The following PPP2R5C variants were observed in gnomAD, a reference collection of about 807,000 sequenced individuals.
PPP2R5C encodes the protein protein phosphatase 2 regulatory subunit B'gamma, also known as serine/threonine-protein phosphatase 2A 56 kDa regulatory subunit gamma isoform.
A neutral mutation model predicts 68.9 loss-of-function variants in PPP2R5C; 7 were observed. The ratio of observed to expected loss-of-function variants is 0.10; its 90% confidence interval spans 0.06 to 0.19. The LOEUF (loss-of-function observed/expected upper bound fraction) is 0.19. Ranked by LOEUF, PPP2R5C falls within the 10% of genes least tolerant of loss-of-function variation. The pLI, the probability that PPP2R5C is intolerant of heterozygous loss-of-function variation, is 1.00. For synonymous variants in PPP2R5C, 210 were observed against 222.2 expected (o/e 0.95, Z 0.49); for missense variants, 348 against 641.3 (o/e 0.54, Z 4.94).
Position 101,882,865 on chromosome 14 carries a change from C to T in PPP2R5C, c.406-392C>T, listed in dbSNP as rs1346869751. On this transcript the variant is annotated intron_variant, in intron 3 of 13. Coordinates refer to ENST00000334743, the Ensembl canonical transcript of PPP2R5C. The surrounding 1 kb of genome is among the most constrained non-coding windows in gnomAD (Gnocchi z 4.9). ...CCTCTTACCTGGCAGCCCCAGAGTT[C>T]CTGTGTATTTGGTTGGCTCTGCGCC... The T allele has an allele frequency of 5.7e-6, 1 of 174,802 alleles. No individual in the cohort carries two copies. Among genetic ancestry groups the T allele is most frequent in the Non-Finnish European group, 1.2e-5 (1 of 83,434 alleles). 10.8% of individuals were successfully genotyped at this position (174,802 alleles called of 1,614,324 possible).
intron 2 of PPP2R5C, among the ~76,000 whole-genome samples, chr14:101,769,724 AGT>A (rs1310824130): frequency 6.6e-6 from 1 of 152,188 alleles, no homozygotes; most frequent in African/African-American, 2.4e-5. Flanking sequence ...AGTGGAAAAA[AGT>A]GTAGTCTCAT....
intron 1 of PPP2R5C, among the ~76,000 whole-genome samples, chr14:101,846,584 A>G (rs2041843325): frequency 6.6e-6 from 1 of 152,190 alleles, no homozygotes; most frequent in Admixed American, 6.5e-5. Context: ...CATTTTGTAG[A>G]TATATAGAAG....
intron 1 of PPP2R5C, among the ~76,000 whole-genome samples, chr14:101,854,607 G>A (rs1473853008): frequency 6.6e-6 from 1 of 152,122 alleles, no homozygotes; most frequent in African/African-American, 2.4e-5. Context: ...CGGCACCAGA[G>A]GAAGCAGAGG....
chr14:101,792,748 GT>G (rs1001368961), intron 3 of PPP2R5C, among the ~76,000 whole-genome samples: 2 of 151,520 alleles, frequency 1.3e-5, no homozygotes, highest in Non-Finnish European at 2.9e-5. Flanking sequence ...TAGCTCGTGT[GT>G]TTTTTTGTTT....
intron 1 of PPP2R5C, among the ~76,000 whole-genome samples, chr14:101,828,153 C>G (rs983241714): frequency 6.6e-6 from 1 of 152,088 alleles, no homozygotes; most frequent in Non-Finnish European, 1.5e-5. Flanking sequence ...CCTCAAAGCC[C>G]ATTTTTTTAT....
chr14:101,840,592 A>C (rs2041407092), intron 1 of PPP2R5C, among the ~76,000 whole-genome samples: 1 of 151,980 alleles, frequency 6.6e-6, no homozygotes. Flanking sequence ...CAGATTGATA[A>C]TACTAAGATG....
intron 2 of PPP2R5C, 81 bp from the exon 3 acceptor site, chr14:101,785,937 T>C (rs1269440352): frequency 9.3e-6 from 12 of 1,283,834 alleles, no homozygotes; most frequent in Non-Finnish European, 1.2e-5. Context: ...AAGACTCATG[T>C]ATATGTTTTT....
intron 1 of PPP2R5C, among the ~76,000 whole-genome samples, chr14:101,854,996 C>T (rs149054196): frequency 0.018 from 2,757 of 152,162 alleles, 33 homozygotes; most frequent in Non-Finnish European, 0.03. Context: ...GTGGTGAAAC[C>T]CCGTCTCTAC....
intron 2 of PPP2R5C, among the ~76,000 whole-genome samples, chr14:101,876,820 G>A (rs1475751938): frequency 6.6e-6 from 1 of 152,118 alleles, no homozygotes; most frequent in African/African-American, 2.4e-5. Flanking sequence ...AAACGTTTGG[G>A]AAGTGCTGTG....
chr14:101,923,908 G>A (rs1566976250), intron 13 of PPP2R5C, among the ~76,000 whole-genome samples: 1 of 117,522 alleles, frequency 8.5e-6, no homozygotes, highest in Non-Finnish European at 1.8e-5. Context: ...TTTGTAAGGC[G>A]TTTTTACGCT....
In PPP2R5C at chr14:101,906,321, G is replaced by T; in HGVS notation, c.1024-81G>T. 1 of 1,424,216 alleles carries T rather than the reference G, an allele frequency of 7.0e-7. No homozygotes were observed. The highest frequency in any genetic ancestry group is 9.4e-7 in the Non-Finnish European group (1 of 1,066,422). 88.2% of individuals were successfully genotyped at this position (1,424,216 alleles called of 1,614,324 possible). On this transcript the variant is annotated intron_variant, in intron 9 of 13. Coordinates refer to ENST00000334743, the Ensembl canonical transcript of PPP2R5C. This position sits in a 1 kb window ranked among gnomAD's most constrained non-coding sequence, Gnocchi z 4.0. ...TCTGGTCCAAGGTAGTTCATTACCC[G>T]ACTCACAGGTTTAACAGCAAGGACA...
At position 101,913,778 on chromosome 14, in the gene PPP2R5C, C is replaced by A. The variant is rs563903466; in HGVS notation, c.1326+1305C>A. 8.5e-5 allele frequency among the ~76,000 whole-genome samples: 13 copies of A among 152,304 alleles called. No individual in the cohort carries two copies. Among genetic ancestry groups the A allele is most frequent in the African/African-American group, 3.1e-4 (13 of 41,556 alleles). On this transcript the variant is annotated intron_variant, in intron 12 of 13. Coordinates refer to ENST00000334743, the Ensembl canonical transcript of PPP2R5C. The surrounding 1 kb of genome is among the most constrained non-coding windows in gnomAD (Gnocchi z 4.1). The stretch of plus-strand genomic sequence containing the variant: ...CGTGTCTTGCTTTGTTCTGAAGAGC[C>A]TCAGGCAAAGTGGGTGCTGATAGCC...
chr14:101,887,426 C>T (rs940611707), intron 5 of PPP2R5C, among the ~76,000 whole-genome samples: 50 of 152,228 alleles, frequency 3.3e-4, no homozygotes, highest in African/African-American at 9.6e-4. Flanking sequence ...ATCCTGGAGC[C>T]AGGAGCCACC....
At chr14:101,796,872 A>C (rs2038636763) in intron 3 of PPP2R5C, 1 of 279,106 alleles carries the variant, frequency 3.6e-6, no homozygotes, top group South Asian at 3.4e-5. Context: ...TGTTTCCTGA[A>C]CTGCCCTGGC....
At position 101,883,664 on chromosome 14, in the gene PPP2R5C, T is replaced by A; in HGVS notation, c.629+102T>A. ...GTCTCCTCTGACAGGACTCAGCATG[T>A]GGAGGGGGTTTCTCAAAGCCTATTT... On this transcript the variant is annotated intron_variant, in intron 5 of 13. Transcript: ENST00000334743. The A allele has an allele frequency of 3.5e-6, 5 of 1,416,718 alleles. No homozygotes were observed. The South Asian group carries it at 5.3e-5, about 15-fold the overall frequency. 87.8% of individuals were successfully genotyped at this position (1,416,718 alleles called of 1,614,324 possible). A position where few individuals can be genotyped will look rare whatever the true frequency, so the allele number is the denominator to read the frequency against.
Position 101,898,126 on chromosome 14 carries a change from A to G in PPP2R5C, c.852+3566A>G, listed in dbSNP as rs1276617792. On this transcript the variant is annotated intron_variant, in intron 8 of 13. Transcript: ENST00000334743. ...AGTGAGCTATGAACGCACCAACTTC[A>G]CTCCATCCTGAGTGACAGAGTAAGA... is the stretch of plus-strand genomic sequence containing the variant. 2.0e-5 allele frequency among the ~76,000 whole-genome samples: 3 copies of G among 152,128 alleles called. No homozygotes were observed. The East Asian group carries it at 5.8e-4, about 29-fold the overall frequency.
chr14:101,782,011 C>T (rs2037726561), intron 2 of PPP2R5C, among the ~76,000 whole-genome samples: 1 of 150,512 alleles, frequency 6.6e-6, no homozygotes, highest in South Asian at 2.1e-4. Flanking sequence ...CTTCATCCTT[C>T]TCTCCCTGTG....
chr14:101,793,771 G>A (rs1252529770), intron 3 of PPP2R5C, among the ~76,000 whole-genome samples: 1 of 152,128 alleles, frequency 6.6e-6, no homozygotes, highest in Non-Finnish European at 1.5e-5. Flanking sequence ...TTGCATGAAG[G>A]AATTGAAGAT....
intron 2 of PPP2R5C, among the ~76,000 whole-genome samples, chr14:101,857,440 A>G (rs996618755): frequency 3.3e-5 from 5 of 152,208 alleles, no homozygotes; most frequent in African/African-American, 7.2e-5. Context: ...TGCTAGGATC[A>G]GGACAGCCCA....
Sources: allele counts gnomAD v4.1 joint callset (sites outside exome capture counted in the v4.1 genomes callset), GRCh38; gene constraint gnomAD v4.1.1; non-coding constraint Gnocchi (gnomAD v3.1); transcripts MANE v1.5; gene names NCBI Gene and HGNC (gene_info 2026-07-23, HGNC 2026-07-21).